Variants in KATNBL1 observed in about 807,000 individuals in gnomAD.
KATNBL1 encodes the protein KATNB1-like protein 1.
KATNBL1 carries 28 observed loss-of-function variants against 44.7 expected under a neutral mutation model. The observed-to-expected ratio is 0.63, with a 90% CI of 0.46 to 0.86. The LOEUF is 0.86. Ranked by LOEUF, KATNBL1 falls within the 40% of genes least tolerant of loss-of-function variation. The pLI is 0.00. For missense variants in KATNBL1, 272 were observed against 350.7 expected (o/e 0.78, Z 1.79); for synonymous variants, 78 against 114.9 (o/e 0.68, Z 2.06).
intron 1 of KATNBL1, among the ~76,000 whole-genome samples, chr15:34,196,090 A>G (rs1203549697): frequency 6.6e-6 from 1 of 152,208 alleles, no homozygotes; most frequent in Non-Finnish European, 1.5e-5. Flanking sequence ...TTAAAAAAAG[A>G]TGTTACACAT....
chr15:34,191,704 T>C (rs1334136717), intron 1 of KATNBL1, among the ~76,000 whole-genome samples: 2 of 151,966 alleles, frequency 1.3e-5, no homozygotes, highest in East Asian at 3.8e-4. Context: ...TCCTAACACT[T>C]TGGGAGGCCG....
At chr15:34,202,947 C>T (rs953616452) in intron 1 of KATNBL1, among the ~76,000 whole-genome samples, 7 of 152,012 alleles carry the variant, frequency 4.6e-5, no homozygotes, top group East Asian at 1.9e-4. Flanking sequence ...GCCAAGATCA[C>T]GCCATTGCAC....
intron 2 of KATNBL1, among the ~76,000 whole-genome samples, chr15:34,155,182 C>T (rs999620654): frequency 6.6e-6 from 1 of 152,168 alleles, no homozygotes; most frequent in African/African-American, 2.4e-5. Flanking sequence ...GCTGAACATA[C>T]TGACATACTG....
intron 1 of KATNBL1, among the ~76,000 whole-genome samples, chr15:34,171,748 A>G (rs1180375968): frequency 6.6e-6 from 1 of 152,188 alleles, no homozygotes; most frequent in Non-Finnish European, 1.5e-5. Flanking sequence ...ATGGAATACT[A>G]CGCAGCCATA....
intron 2 of KATNBL1, among the ~76,000 whole-genome samples, chr15:34,158,078 T>C (rs997469721): frequency 1.3e-5 from 2 of 152,226 alleles, no homozygotes; most frequent in Non-Finnish European, 2.9e-5. Flanking sequence ...ACAGTCTTAA[T>C]TCCAGATACC....
At chr15:34,191,370 C>A (rs778465354) in intron 1 of KATNBL1, among the ~76,000 whole-genome samples, 1 of 151,634 alleles carries the variant, frequency 6.6e-6, no homozygotes, top group Non-Finnish European at 1.5e-5. Flanking sequence ...TTCCATTTTT[C>A]ACTATTATTA....
At chr15:34,159,129 G>T (rs1888722169) in intron 2 of KATNBL1, among the ~76,000 whole-genome samples, 1 of 135,140 alleles carries the variant, frequency 7.4e-6, no homozygotes, top group Non-Finnish European at 1.6e-5. Context: ...TGACAATGAA[G>T]TTCCTTCTAA....
In KATNBL1 at chr15:34,181,870, C is replaced by CATATATATATAT. The variant is rs374057022; in HGVS notation, c.-14-18192_-14-18181dup. On this transcript the variant is annotated intron_variant, in intron 1 of 9. Coordinates refer to ENST00000256544, the MANE Select transcript of KATNBL1 (RefSeq NM_024713.3). ...TATATATAGTCCATATATATATATCCATATATATATATATATATGGATGGG... is the reference window on the plus strand; with the variant it reads ...TATATATAGTCCATATATATATATCCATATATATATATATATATATATATATATATGGATGGG... Among the ~76,000 whole-genome samples the CATATATATATAT allele has an allele frequency of 1.2e-3, 86 of 73,074 alleles. 1 individual carries two copies. Among genetic ancestry groups the CATATATATATAT allele is most frequent in the South Asian group, 0.011 (21 of 2,000 alleles). The allele number at this position is 73,074 out of a possible 152,430, so 47.9% of individuals were successfully genotyped here.
rs567158853 is a variant in KATNBL1 at position 34,153,079 on chromosome 15, G to T, written c.159-10C>A. ...AGTTTGTCCAACTGTTCTGTAAAAA[G>T]AATTTATTTTCTTAAATGAAAAAGA... On this transcript the variant is annotated splice_polypyrimidine_tract_variant and intron_variant, in intron 3 of 9. Coordinates refer to ENST00000256544, the MANE Select transcript of KATNBL1 (RefSeq NM_024713.3). 38 of 1,563,900 alleles carry T rather than the reference G, an allele frequency of 2.4e-5. No individual in the cohort carries two copies. The South Asian group carries it at 4.3e-4, about 18-fold the overall frequency.
chr15:34,162,510 A>C (rs1262603661), intron 2 of KATNBL1, among the ~76,000 whole-genome samples: 2 of 152,216 alleles, frequency 1.3e-5, no homozygotes, highest in African/African-American at 4.8e-5. Context: ...AAACGGAATA[A>C]TACAACATCC....
intron 1 of KATNBL1, among the ~76,000 whole-genome samples, chr15:34,178,802 GA>G (rs997950069): frequency 7.4e-5 from 11 of 149,242 alleles, no homozygotes; most frequent in African/African-American, 2.7e-4. Flanking sequence ...GAGAGAAGAA[GA>G]GAAGGTAAAC....
At chr15:34,193,890 A>G (rs1889961438) in intron 1 of KATNBL1, among the ~76,000 whole-genome samples, 2 of 148,032 alleles carry the variant, frequency 1.4e-5, no homozygotes, top group Admixed American at 1.4e-4. Context: ...ATCACCAGCA[A>G]AATCACCAGT....
chr15:34,181,814 A>ATGT lies in KATNBL1; in HGVS notation c.-14-18125_-14-18124insACA, dbSNP rs1491216255. Among the ~76,000 whole-genome samples the ATGT allele has an allele frequency of 2.8e-3, 205 of 72,758 alleles. 41 individuals are homozygous for ATGT. Among genetic ancestry groups the ATGT allele is most frequent in the Middle Eastern group, 0.017 (2 of 116 alleles). 47.7% of individuals were successfully genotyped at this position (72,758 alleles called of 152,430 possible). ...TATATATCCATATATATACATATAT[A>ATGT]CATGTCCATATATATCCATATATAT... On this transcript the variant is annotated intron_variant, in intron 1 of 9. Coordinates refer to ENST00000256544, the MANE Select transcript of KATNBL1 (RefSeq NM_024713.3).
At chr15:34,142,559 C>T in intron 9 of KATNBL1, 188 bp from the exon 10 acceptor site, 1 of 533,200 alleles carries the variant, frequency 1.9e-6, no homozygotes, top group South Asian at 3.1e-5. Flanking sequence ...ATAGTATGTG[C>T]TCAATATATA....
chr15:34,177,363 G>C (rs1442981568), intron 1 of KATNBL1, among the ~76,000 whole-genome samples: 1 of 152,092 alleles, frequency 6.6e-6, no homozygotes, highest in Non-Finnish European at 1.5e-5. Flanking sequence ...AACAGCTCTA[G>C]GCTGGGAGCG....
intron 1 of KATNBL1, among the ~76,000 whole-genome samples, chr15:34,171,215 C>T (rs1313650144): frequency 6.6e-6 from 1 of 152,048 alleles, no homozygotes; most frequent in Non-Finnish European, 1.5e-5. Flanking sequence ...CCAAAATCTA[C>T]AAAGAACTTA....
intron 1 of KATNBL1, among the ~76,000 whole-genome samples, chr15:34,172,256 CTTTTTT>C (rs59733560): frequency 1.0e-5 from 1 of 96,620 alleles, no homozygotes; most frequent in Non-Finnish European, 1.9e-5. Context: ...GGAACATATT[CTTTTTT>C]TTTTTTTTTT....
At chr15:34,202,738 C>T (rs1890202242) in intron 1 of KATNBL1, among the ~76,000 whole-genome samples, 1 of 152,120 alleles carries the variant, frequency 6.6e-6, no homozygotes, top group African/African-American at 2.4e-5. Flanking sequence ...CGCCTGTAAT[C>T]TCAGCACTTT....
intron 2 of KATNBL1, among the ~76,000 whole-genome samples, chr15:34,159,847 C>T (rs1170628627): frequency 6.6e-6 from 1 of 152,186 alleles, no homozygotes; most frequent in Non-Finnish European, 1.5e-5. Flanking sequence ...CTTGTGTCTC[C>T]TCTAAGAGTT....
Sources: gnomAD v4.1 joint callset for allele counts (sites outside exome capture counted in the v4.1 genomes callset) on GRCh38, gnomAD v4.1.1 for gene constraint, MANE v1.5 for transcripts, NCBI Gene and HGNC (gene_info 2026-07-23, HGNC 2026-07-21) for gene names.